RSU1: variants seen among roughly 807,000 people sequenced by gnomAD.
The protein encoded by RSU1 is Ras suppressor protein 1.
In RSU1, 26 loss-of-function variants were observed where a neutral mutation model predicts 31.1. That is an observed-to-expected ratio of 0.84 (90% CI 0.61 to 1.16). The LOEUF (loss-of-function observed/expected upper bound fraction) is 1.16, where lower values mean the gene tolerates loss of function less well. Ranked by LOEUF, RSU1 falls within the 50% of genes most tolerant of loss-of-function variation. RSU1 has a pLI of 0.00. For missense variants in RSU1, 320 were observed against 339.1 expected (o/e 0.94, Z 0.44); for synonymous variants, 164 against 136.3 (o/e 1.20, Z -1.41).
At chr10:16,756,538 G>A (rs1837089850) in intron 4 of RSU1, among the ~76,000 whole-genome samples, 1 of 152,150 alleles carries the variant, frequency 6.6e-6, no homozygotes, top group Non-Finnish European at 1.5e-5. Flanking sequence ...TTAAAGCACA[G>A]TAAATGCACT....
At chr10:16,616,413 T>G (rs1246317320) in intron 8 of RSU1, among the ~76,000 whole-genome samples, 3 of 145,914 alleles carry the variant, frequency 2.1e-5, no homozygotes. Context: ...ACCAGATGGA[T>G]TCACAGCCAA....
intron 8 of RSU1, among the ~76,000 whole-genome samples, chr10:16,692,309 T>C (rs1835574833): frequency 6.6e-6 from 1 of 152,234 alleles, no homozygotes; most frequent in African/African-American, 2.4e-5. Context: ...AATTGCCTAA[T>C]AATTACTTTG....
At chr10:16,595,078 C>T (rs1833588558) in intron 8 of RSU1, among the ~76,000 whole-genome samples, 1 of 151,598 alleles carries the variant, frequency 6.6e-6, no homozygotes, top group South Asian at 2.1e-4. Context: ...CCACCATGCC[C>T]CAACAAAAAA....
At chr10:16,721,147 G>A (rs903999524) in intron 7 of RSU1, among the ~76,000 whole-genome samples, 1 of 152,128 alleles carries the variant, frequency 6.6e-6, no homozygotes, top group African/African-American at 2.4e-5. Context: ...TGGTTCATAT[G>A]GATACTGAAG....
chr10:16,611,088 C>T (rs184162657), intron 8 of RSU1, among the ~76,000 whole-genome samples: 7 of 152,274 alleles, frequency 4.6e-5, no homozygotes, highest in Admixed American at 2.6e-4. Context: ...CCCCAGCGCC[C>T]GGCTGGCTAG....
intron 2 of RSU1, among the ~76,000 whole-genome samples, chr10:16,804,901 G>A (rs946847043): frequency 3.3e-5 from 5 of 152,104 alleles, no homozygotes; most frequent in Non-Finnish European, 5.9e-5. Context: ...ATACTGTAAC[G>A]GTGAATACAT....
intron 3 of RSU1, among the ~76,000 whole-genome samples, chr10:16,781,468 T>C (rs1017319209): frequency 2.0e-5 from 3 of 152,186 alleles, no homozygotes; most frequent in Admixed American, 1.3e-4. Flanking sequence ...ACAGAAAGTG[T>C]ATTAAACAGT....
intron 7 of RSU1, among the ~76,000 whole-genome samples, chr10:16,733,470 T>TGCACTCCAGC (rs1836559190): frequency 6.6e-6 from 1 of 151,816 alleles, no homozygotes. Flanking sequence ...ATCACACCAC[T>TGCACTCCAGC]GCACTCCAGC....
intron 7 of RSU1, chr10:16,723,143 A>C (rs992379957): frequency 6.6e-6 from 1 of 151,984 alleles, no homozygotes; most frequent in Non-Finnish European, 1.5e-5. Context: ...GGGAGAGCAA[A>C]GTCCATCGCA....
chr10:16,817,215 G>A, intron 1 of RSU1, 100 bp downstream of exon 1: 1 of 668,942 alleles, frequency 1.5e-6, no homozygotes, highest in Admixed American at 2.2e-5. Flanking sequence ...CGTCCCAGGG[G>A]CTGGTCCGGG....
At chr10:16,733,323 T>C (rs1182512111) in intron 7 of RSU1, among the ~76,000 whole-genome samples, 4 of 127,224 alleles carry the variant, frequency 3.1e-5, no homozygotes, top group African/African-American at 9.5e-5. Flanking sequence ...AAACCCCATC[T>C]CTACGACAAT....
chr10:16,791,468 A>T (rs1564359637), intron 2 of RSU1, among the ~76,000 whole-genome samples: 1 of 152,052 alleles, frequency 6.6e-6, no homozygotes, highest in Admixed American at 6.5e-5. Context: ...ATCTCTACCG[A>T]AGTACAAAAA....
intron 2 of RSU1, among the ~76,000 whole-genome samples, chr10:16,785,511 C>CATAT (rs149370279): frequency 2.2e-5 from 3 of 133,746 alleles, no homozygotes; most frequent in African/African-American, 6.3e-5. Context: ...CACATATATA[C>CATAT]ATATATATAT....
At chr10:16,745,572 T>C (rs1241436347) in intron 7 of RSU1, among the ~76,000 whole-genome samples, 2 of 152,086 alleles carry the variant, frequency 1.3e-5, no homozygotes, top group African/African-American at 4.8e-5. Flanking sequence ...GAGACCCCCA[T>C]TTTTAAAACC....
intron 4 of RSU1, 125 bp downstream of exon 4, chr10:16,764,265 A>C: frequency 8.4e-7 from 1 of 1,194,878 alleles, no homozygotes; most frequent in Non-Finnish European, 1.1e-6. Context: ...TAAGACCCAA[A>C]ACATAAAAAG....
At chr10:16,690,091 T>C (rs1267702198) in intron 8 of RSU1, among the ~76,000 whole-genome samples, 6 of 152,172 alleles carry the variant, frequency 3.9e-5, no homozygotes, top group Non-Finnish European at 2.9e-5. Flanking sequence ...TTACCCCCTT[T>C]CACAAAGAAT....
chr10:16,617,602 G>T (rs961600055), intron 8 of RSU1, among the ~76,000 whole-genome samples: 13 of 152,316 alleles, frequency 8.5e-5, no homozygotes, highest in Admixed American at 5.2e-4. Flanking sequence ...CAAGGCTACA[G>T]TAACCAAAAC....
At chr10:16,767,022 C>CA (rs111562696) in intron 3 of RSU1, among the ~76,000 whole-genome samples, 13,382 of 101,568 alleles carry the variant, frequency 0.13, 1,670 homozygotes, top group African/African-American at 0.33. Flanking sequence ...ACTCTATGTC[C>CA]AAAAAAAAAA....
chr10:16,765,362 A>G (rs910673030), intron 3 of RSU1, among the ~76,000 whole-genome samples: 1 of 152,182 alleles, frequency 6.6e-6, no homozygotes, highest in Non-Finnish European at 1.5e-5. Context: ...ACATATACAC[A>G]CACAAAGGTT....
Sources: allele counts gnomAD v4.1 joint callset (sites outside exome capture counted in the v4.1 genomes callset), GRCh38; gene constraint gnomAD v4.1.1; transcripts MANE v1.5; gene names NCBI Gene and HGNC (gene_info 2026-07-23, HGNC 2026-07-21).